Variants in DOCK1 observed in about 807,000 individuals in gnomAD.
DOCK1 encodes the protein dedicator of cytokinesis protein 1.
Under a neutral mutation model 262.7 loss-of-function variants are expected in DOCK1, and 138 were observed. The observed-to-expected ratio is 0.53, with a 90% CI of 0.46 to 0.61. DOCK1 has a LOEUF of 0.61. Among genes scored for constraint, DOCK1 ranks in the 20% least tolerant of loss-of-function variants. The pLI is 0.00. For synonymous variants in DOCK1, 866 were observed against 867.4 expected (o/e 1.00, Z 0.03); for missense variants, 1,908 against 2,370.7 (o/e 0.80, Z 4.05).
chr10:126,949,443 C>A (rs1487964360), intron 1 of DOCK1, among the ~76,000 whole-genome samples: 2 of 152,254 alleles, frequency 1.3e-5, no homozygotes, highest in Non-Finnish European at 2.9e-5. Context: ...CTATACATGG[C>A]AGTCCAAAGT....
In DOCK1 at chr10:127,411,525, C is replaced by T. The variant is rs139204669; in HGVS notation, c.4428+601C>T. The stretch of plus-strand genomic sequence containing the variant: ...TGCCTACTAGGTGCCAGTGCCACCA[C>T]CCCAGTTGGGACAACCAATCAAAAA... On this transcript the variant is annotated intron_variant, in intron 43 of 51. Coordinates refer to ENST00000623213, the MANE Select transcript of DOCK1 (RefSeq NM_001290223.2). Among the ~76,000 whole-genome samples, 120 of 152,302 alleles carry T rather than the reference C, an allele frequency of 7.9e-4. 2 individuals are homozygous for T. In the East Asian group the frequency reaches 0.015, roughly 20 times the overall value.
At chr10:127,363,948 G>A (rs989505281) in intron 33 of DOCK1, among the ~76,000 whole-genome samples, 1 of 152,214 alleles carries the variant, frequency 6.6e-6, no homozygotes, top group Non-Finnish European at 1.5e-5. Context: ...GCATGAAATA[G>A]AATCTACCAG....
intron 1 of DOCK1, among the ~76,000 whole-genome samples, chr10:126,962,024 G>T (rs1054696166): frequency 8.5e-4 from 130 of 152,196 alleles, no homozygotes; most frequent in African/African-American, 3.0e-3. Context: ...TTGAGACAGG[G>T]TCTCACTCTG....
chr10:126,920,726 A>T (rs536826388), intron 1 of DOCK1, among the ~76,000 whole-genome samples: 6 of 152,342 alleles, frequency 3.9e-5, no homozygotes, highest in African/African-American at 9.6e-5. Context: ...CTATGTTAAG[A>T]CATTAAACCT....
intron 51 of DOCK1, 147 bp from the exon 52 acceptor site, chr10:127,451,185 C>G (rs564971622): frequency 1.2e-6 from 1 of 866,534 alleles, no homozygotes; most frequent in Non-Finnish European, 1.8e-6. Flanking sequence ...ACCTGCCAGC[C>G]CCAAGTCGGA....
Position 127,444,198 on chromosome 10 carries a change from G to C in DOCK1, c.5332G>C (p.Val1778Leu). The change falls in exon 50 of 52, where the codon GTG becomes CTG. Residue 1778 changes from valine (V) to leucine (L), a missense_variant. Val to Leu is a conservative substitution (Grantham distance 32). Transcript: ENST00000623213. Reference sequence around the variant, plus strand: ...CATTGGAAGCGAAAGGCGCTTCTCGGTGTCCCCCTCGTCACCGTCCTCCCA... The same window carrying C: ...CATTGGAAGCGAAAGGCGCTTCTCGCTGTCCCCCTCGTCACCGTCCTCCCA... ...NVIGSERRFS[V>L]SPSSPSSQQT... 1 of 1,608,908 alleles carries C rather than the reference G, an allele frequency of 6.2e-7. No individual in the cohort carries two copies. The highest frequency in any genetic ancestry group is 1.1e-5 in the South Asian group (1 of 89,162).
In DOCK1 at chr10:127,433,295, G is replaced by C. The variant is rs762578228; in HGVS notation, c.4927G>C (p.Asp1643His). The C allele has an allele frequency of 6.2e-7, 1 of 1,613,938 alleles. No homozygotes were observed. The highest frequency in any genetic ancestry group is 8.5e-7 in the Non-Finnish European group (1 of 1,179,874). Residue 1643 changes from aspartate to histidine, a missense_variant, in exon 48 of 52, where the codon GAT (aspartate) becomes CAT (histidine). Asp to His is a moderately conservative substitution (Grantham distance 81, BLOSUM62 -1). Transcript: ENST00000623213. Reference sequence around the variant, plus strand: ...TTCTCGCTCTCAGCCCTCAAGTCTGGATGATAGAAGAGGCAGCCGCCCCCG... The same window carrying C: ...TTCTCGCTCTCAGCCCTCAAGTCTGCATGATAGAAGAGGCAGCCGCCCCCG... Reference protein sequence around the residue: ...YGVRIMPSSLDDRRGSRPRSM... With the variant: ...YGVRIMPSSLHDRRGSRPRSM...
At chr10:127,194,509 C>T (rs528530042) in intron 27 of DOCK1, among the ~76,000 whole-genome samples, 2 of 152,338 alleles carry the variant, frequency 1.3e-5, no homozygotes, top group African/African-American at 4.8e-5. Context: ...AAAACCAGCA[C>T]TTTCCGCCTC....
At chr10:127,248,725 T>C (rs557039044) in intron 28 of DOCK1, among the ~76,000 whole-genome samples, 1 of 152,340 alleles carries the variant, frequency 6.6e-6, no homozygotes, top group South Asian at 2.1e-4. Context: ...TGGCAGACTT[T>C]GTGATTACAT....
Position 126,970,802 on chromosome 10 carries a change from G to A in DOCK1, c.130+17G>A, listed in dbSNP as rs887556529. ...CATATGAAGGTGCGTATGCATCTTGGTATCTTTTCTCTTACATTTTGGGCA... is the reference window on the plus strand; with the variant it reads ...CATATGAAGGTGCGTATGCATCTTGATATCTTTTCTCTTACATTTTGGGCA... On this transcript the variant is annotated intron_variant, in intron 2 of 51. Transcript: ENST00000623213. 3 of 1,608,218 alleles carry A rather than the reference G, an allele frequency of 1.9e-6. No homozygotes were observed. Among genetic ancestry groups the A allele is most frequent in the Non-Finnish European group, 2.6e-6 (3 of 1,176,332 alleles).
intron 27 of DOCK1, among the ~76,000 whole-genome samples, chr10:127,217,023 A>G (rs1323768672): frequency 6.6e-6 from 1 of 152,110 alleles, no homozygotes; most frequent in East Asian, 1.9e-4. Flanking sequence ...CATGGAGGCT[A>G]CATTATAACA....
intron 1 of DOCK1, among the ~76,000 whole-genome samples, chr10:126,942,622 G>A (rs1240834308): frequency 2.6e-5 from 4 of 152,124 alleles, no homozygotes; most frequent in East Asian, 1.9e-4. Context: ...AGCCAGCCCC[G>A]AGGGAGCCGT....
intron 29 of DOCK1, among the ~76,000 whole-genome samples, chr10:127,284,302 A>G (rs1445436939): frequency 2.0e-5 from 3 of 152,134 alleles, no homozygotes; most frequent in Non-Finnish European, 4.4e-5. Flanking sequence ...ATTATTTTAC[A>G]TACAAATATT....
At chr10:127,291,489 T>G (rs2061343211) in intron 29 of DOCK1, among the ~76,000 whole-genome samples, 1 of 152,182 alleles carries the variant, frequency 6.6e-6, no homozygotes, top group African/African-American at 2.4e-5. Flanking sequence ...CTGTCCCTGG[T>G]GGCCAGTGCC....
At chr10:127,361,466 T>G (rs2064444174) in intron 32 of DOCK1, among the ~76,000 whole-genome samples, 1 of 152,126 alleles carries the variant, frequency 6.6e-6, no homozygotes. Context: ...CTCGAAAAGG[T>G]AGAATCACTG....
At chr10:126,989,090 G>A (rs1481188287) in intron 5 of DOCK1, among the ~76,000 whole-genome samples, 1 of 139,602 alleles carries the variant, frequency 7.2e-6, no homozygotes, top group South Asian at 2.3e-4. Flanking sequence ...AAAAAAAAAT[G>A]CATTTTTTTG....
intron 27 of DOCK1, among the ~76,000 whole-genome samples, chr10:127,242,762 C>T (rs962401929): frequency 2.0e-5 from 3 of 152,038 alleles, no homozygotes; most frequent in Non-Finnish European, 4.4e-5. Flanking sequence ...GAAATTTAAG[C>T]ATTTGAGTGA....
In DOCK1 at chr10:127,419,568, A is replaced by G. The variant is rs527968603; in HGVS notation, c.4693-98A>G. 176 of 1,166,188 alleles carry G rather than the reference A, an allele frequency of 1.5e-4. 2 individuals carry two copies. The South Asian group carries it at 2.4e-3, about 16-fold the overall frequency. The allele number at this position is 1,166,188 out of a possible 1,614,324, so 72.2% of individuals were successfully genotyped here. A position where few individuals can be genotyped will look rare whatever the true frequency, so the allele number is the denominator to read the frequency against. On this transcript the variant is annotated intron_variant, in intron 45 of 51. Transcript: ENST00000623213. The stretch of plus-strand genomic sequence containing the variant: ...AGTGAGCTTCGTGTGGATCTGTTTT[A>G]TGCACAGCTCTATTCTCAGGGCCTG...
chr10:127,252,292 T>C (rs1287935115), intron 28 of DOCK1, among the ~76,000 whole-genome samples: 1 of 151,036 alleles, frequency 6.6e-6, no homozygotes, highest in African/African-American at 2.4e-5. Context: ...ATTAGCCCTT[T>C]GTCAGATGAG....
Sources: allele counts gnomAD v4.1 joint callset (sites outside exome capture counted in the v4.1 genomes callset), GRCh38; gene constraint gnomAD v4.1.1; transcripts MANE v1.5; gene names NCBI Gene and HGNC (gene_info 2026-07-23, HGNC 2026-07-21).